Variants in CECR2 observed in about 807,000 individuals in gnomAD.
CECR2 encodes the protein CECR2 histone acetyl-lysine reader.
In CECR2, 30 loss-of-function variants were observed where a neutral mutation model predicts 154.5. The observed-to-expected ratio is 0.19, with a 90% CI of 0.15 to 0.26. The LOEUF (loss-of-function observed/expected upper bound fraction) is 0.26. Among genes scored for constraint, CECR2 ranks in the 10% least tolerant of loss-of-function variants. The pLI is 1.00. For synonymous variants in CECR2, 725 were observed against 683.7 expected (o/e 1.06, Z -0.94); for missense variants, 1,743 against 1,829.3 (o/e 0.95, Z 0.86).
chr22:17,547,562 G>C (rs1306543044), intron 16 of CECR2, among the ~76,000 whole-genome samples: 1 of 152,114 alleles, frequency 6.6e-6, no homozygotes, highest in Non-Finnish European at 1.5e-5. Context: ...CATGTTGTAG[G>C]CGTCTTGTCT....
chr22:17,434,156 G>T (rs757179613), intron 1 of CECR2, among the ~76,000 whole-genome samples: 8 of 152,104 alleles, frequency 5.3e-5, no homozygotes, highest in Admixed American at 3.3e-4. Flanking sequence ...AAAAAAAAAT[G>T]AAGAGGCCTT....
Position 17,500,723 on chromosome 22 carries a change from A to G in CECR2, c.638A>G (p.Glu213Gly). The change falls in exon 5 of 19, where the codon GAG becomes GGG. Residue 213 changes from glutamate (E) to glycine (G), a missense_variant. Glu to Gly is a moderately conservative substitution (Grantham distance 98, BLOSUM62 -2). Around this residue, in one of 4 missense-constraint regions of CECR2, gnomAD observed 292 missense variants for 301.2 expected, o/e 0.97. Coordinates refer to ENST00000262608, the MANE Select transcript of CECR2 (RefSeq NM_001290047.2). ...RPPKRKKLQE[E>G]ILLSEKQEEN... is the part of the protein sequence containing the mutation. ...CCAAAACGGAAGAAACTGCAGGAGG[A>G]GATTCTGTTGAGGTAAGAAAATCTT... is the stretch of plus-strand genomic sequence containing the variant. The G allele has an allele frequency of 6.4e-7, 1 of 1,551,944 alleles. No individual in the cohort carries two copies. Among genetic ancestry groups the G allele is most frequent in the South Asian group, 1.2e-5 (1 of 83,210 alleles).
At chr22:17,529,306 G>A (rs184892771) in intron 9 of CECR2, among the ~76,000 whole-genome samples, 1 of 152,050 alleles carries the variant, frequency 6.6e-6, no homozygotes, top group Non-Finnish European at 1.5e-5. Flanking sequence ...CGGCTGGAGC[G>A]GAGCAGAGCA....
intron 6 of CECR2, among the ~76,000 whole-genome samples, chr22:17,503,495 T>G (rs1300624921): frequency 1.3e-5 from 2 of 152,206 alleles, no homozygotes; most frequent in African/African-American, 4.8e-5. Flanking sequence ...CCTACCTAGA[T>G]TTTAATTTTG....
At chr22:17,524,343 T>C in intron 9 of CECR2, 72 bp downstream of exon 9, 1 of 1,476,004 alleles carries the variant, frequency 6.8e-7, no homozygotes, top group Non-Finnish European at 9.1e-7. Context: ...CAGAGCCAAC[T>C]CAAGCTAAGT....
intron 17 of CECR2, among the ~76,000 whole-genome samples, chr22:17,550,858 C>T (rs998685452): frequency 4.6e-5 from 7 of 152,012 alleles, no homozygotes; most frequent in South Asian, 2.1e-4. Flanking sequence ...AGGAGAATGG[C>T]GTGAACCTGG....
intron 1 of CECR2, among the ~76,000 whole-genome samples, chr22:17,451,301 T>C (rs935211054): frequency 6.6e-6 from 1 of 152,068 alleles, no homozygotes; most frequent in African/African-American, 2.4e-5. Context: ...TGATACAAAG[T>C]GGTTTGTCAG....
intron 1 of CECR2, among the ~76,000 whole-genome samples, chr22:17,455,854 G>A (rs923610421): frequency 1.1e-4 from 17 of 152,078 alleles, no homozygotes; most frequent in African/African-American, 3.9e-4. Context: ...CAGGTGATCC[G>A]CCTGGGATTA....
intron 8 of CECR2, among the ~76,000 whole-genome samples, chr22:17,518,440 C>T (rs2056098063): frequency 6.6e-6 from 1 of 152,186 alleles, no homozygotes; most frequent in Non-Finnish European, 1.5e-5. Context: ...TCTTTCTGTT[C>T]TACCCCAGTG....
At chr22:17,523,003 T>C (rs2056183311) in intron 8 of CECR2, among the ~76,000 whole-genome samples, 1 of 142,182 alleles carries the variant, frequency 7.0e-6, no homozygotes, top group Admixed American at 7.1e-5. Flanking sequence ...AGACTCCATC[T>C]CGGGGGGAAA....
At chr22:17,380,825 G>GT (rs1270806992) in intron 1 of CECR2, among the ~76,000 whole-genome samples, 1 of 152,206 alleles carries the variant, frequency 6.6e-6, no homozygotes, top group African/African-American at 2.4e-5. Context: ...CTGCAAGAGT[G>GT]TTTTCTTCTC....
chr22:17,439,896 C>G (rs1388417644), intron 1 of CECR2, among the ~76,000 whole-genome samples: 2 of 151,716 alleles, frequency 1.3e-5, no homozygotes, highest in Admixed American at 1.3e-4. Flanking sequence ...GGAGTATTAG[C>G]CCACCTTTTA....
chr22:17,450,627 C>T (rs1273410803), intron 1 of CECR2, among the ~76,000 whole-genome samples: 1 of 152,182 alleles, frequency 6.6e-6, no homozygotes, highest in Non-Finnish European at 1.5e-5. Flanking sequence ...CCTATCTTTC[C>T]ACAAATAATG....
intron 1 of CECR2, among the ~76,000 whole-genome samples, chr22:17,420,949 A>G (rs2054236714): frequency 6.6e-6 from 1 of 152,224 alleles, no homozygotes; most frequent in Admixed American, 6.5e-5. Context: ...ACCTCGTAAT[A>G]ACTATAGTCC....
At position 17,548,570 on chromosome 22, in the gene CECR2, G is replaced by A. The variant is rs1210535333; in HGVS notation, c.3283G>A (p.Gly1095Arg). The A allele has an allele frequency of 1.2e-6, 2 of 1,613,676 alleles. No individual in the cohort carries two copies. Among genetic ancestry groups the A allele is most frequent in the South Asian group, 1.1e-5 (1 of 91,028 alleles). ...RTLQETMPCT[G>R]QNAATPPSTD... Reference sequence around the variant, plus strand: ...GTTGCAGGAAACCATGCCATGCACGGGACAGAACGCAGCGACACCGCCCAG... The same window carrying A: ...GTTGCAGGAAACCATGCCATGCACGAGACAGAACGCAGCGACACCGCCCAG... The change falls in exon 17 of 19, where the codon GGA (glycine) becomes AGA (arginine). Residue 1095 changes from glycine to arginine, a missense_variant. Physicochemically the swap from Gly to Arg is moderately radical, Grantham distance 125 (BLOSUM62 -2). Around this residue, in one of 4 missense-constraint regions of CECR2, gnomAD observed 1,250 missense variants for 1,192.1 expected, o/e 1.05. Transcript: ENST00000262608.
intron 5 of CECR2, among the ~76,000 whole-genome samples, chr22:17,501,168 C>T (rs2055731191): frequency 6.6e-6 from 1 of 152,166 alleles, no homozygotes; most frequent in South Asian, 2.1e-4. Context: ...TAAGGATCAG[C>T]TCTATCACTA....
At chr22:17,479,422 A>G (rs550024547) in intron 2 of CECR2, among the ~76,000 whole-genome samples, 5 of 152,224 alleles carry the variant, frequency 3.3e-5, no homozygotes, top group Non-Finnish European at 5.9e-5. Context: ...TAATGATTAT[A>G]TAGTTGCCAG....
At chr22:17,484,457 A>G (rs146348355) in intron 2 of CECR2, among the ~76,000 whole-genome samples, 2 of 152,324 alleles carry the variant, frequency 1.3e-5, no homozygotes, top group African/African-American at 4.8e-5. Context: ...AGAACTTTCT[A>G]ATCACTGAGG....
At chr22:17,409,022 T>C (rs1376455894) in intron 1 of CECR2, among the ~76,000 whole-genome samples, 1 of 152,264 alleles carries the variant, frequency 6.6e-6, no homozygotes, top group Non-Finnish European at 1.5e-5. Flanking sequence ...GCTCATGGTT[T>C]CCAGCTTTCA....
Sources: gnomAD v4.1 joint callset for allele counts (sites outside exome capture counted in the v4.1 genomes callset) on GRCh38, gnomAD v4.1.1 for gene constraint, gnomAD v4.1.1 regional missense constraint, MANE v1.5 for transcripts, NCBI Gene and HGNC (gene_info 2026-07-23, HGNC 2026-07-21) for gene names.